The following PRR5L variants were observed in gnomAD, a reference collection of about 807,000 sequenced individuals.
PRR5L encodes the protein proline rich 5 like.
A neutral mutation model predicts 36.4 loss-of-function variants in PRR5L; 21 were observed. That is an observed-to-expected ratio of 0.58 (90% CI 0.41 to 0.83). PRR5L has a LOEUF of 0.83. Ranked by LOEUF, PRR5L falls within the 40% of genes least tolerant of loss-of-function variation. The pLI is 0.00. For synonymous variants in PRR5L, 188 were observed against 197.0 expected (o/e 0.95, Z 0.38); for missense variants, 381 against 473.3 (o/e 0.80, Z 1.81).
chr11:36,462,266 C>T (rs1859201814), intron 8 of PRR5L, 76 bp from the exon 9 acceptor site: 9 of 1,400,020 alleles, frequency 6.4e-6, no homozygotes, highest in Non-Finnish European at 7.6e-6. Context: ...TGTTCTTTTC[C>T]CCCAGTTGGA....
chr11:36,297,811 G>T (rs1322003056), intron 1 of PRR5L, among the ~76,000 whole-genome samples: 1 of 152,144 alleles, frequency 6.6e-6, no homozygotes, highest in Non-Finnish European at 1.5e-5. Flanking sequence ...TGGAAAGGGG[G>T]TCTGTGGTTG....
chr11:36,420,233 T>C (rs1858234436), intron 4 of PRR5L, among the ~76,000 whole-genome samples: 1 of 152,188 alleles, frequency 6.6e-6, no homozygotes, highest in Non-Finnish European at 1.5e-5. Flanking sequence ...AGTTTCCTCA[T>C]CTGCGAAATG....
intron 4 of PRR5L, among the ~76,000 whole-genome samples, chr11:36,420,226 T>C (rs1380013399): frequency 6.6e-6 from 1 of 152,218 alleles, no homozygotes; most frequent in African/African-American, 2.4e-5. Context: ...GTGCCTCAGT[T>C]TCCTCATCTG....
At chr11:36,326,300 G>A (rs1856661254) in intron 1 of PRR5L, among the ~76,000 whole-genome samples, 1 of 72,792 alleles carries the variant, frequency 1.4e-5, no homozygotes, top group African/African-American at 5.7e-5. Flanking sequence ...CTCCCCAATA[G>A]ATACACACAC....
chr11:36,351,458 TATATATTTATATATAC>T, intron 1 of PRR5L, among the ~76,000 whole-genome samples: 3 of 61,588 alleles, frequency 4.9e-5, no homozygotes, highest in African/African-American at 2.0e-4. Flanking sequence ...TTTATATATT[TATATATTTATATATAC>T]ATATATATTT....
At position 36,465,049 on chromosome 11, in the gene PRR5L, C is replaced by G. The variant is rs1859268377; in HGVS notation, c.*2313C>G. The G allele has an allele frequency of 6.6e-6, 1 of 152,142 alleles. No homozygotes were observed. Among genetic ancestry groups the G allele is most frequent in the African/African-American group, 2.4e-5 (1 of 41,426 alleles). 9.4% of individuals were successfully genotyped at this position (152,142 alleles called of 1,614,324 possible). A position where few individuals can be genotyped will look rare whatever the true frequency, so the allele number is the denominator to read the frequency against. On this transcript the variant is annotated 3_prime_UTR_variant, in exon 9 of 9. Coordinates refer to ENST00000530639, the MANE Select transcript of PRR5L (RefSeq NM_001160167.2). ...GCTGAGGTGTCCTTAACCACTTTTT[C>G]TCTCCTAGATTCATTTTCATTATTT... is the stretch of plus-strand genomic sequence containing the variant.
rs331439 is a variant in PRR5L at position 36,463,795 on chromosome 11, G to C, written c.*1059G>C. ...AAAGAGATCCATGGTGGGCAGGGCT[G>C]TTAGGTCACAGAGCTCTAGAAGCAG... On this transcript the variant is annotated 3_prime_UTR_variant, in exon 9 of 9. Coordinates refer to ENST00000530639, the MANE Select transcript of PRR5L (RefSeq NM_001160167.2). 0.78 allele frequency: 117,951 copies of C among 152,116 alleles called. 45,910 individuals carry two copies. The highest frequency in any genetic ancestry group is 0.85 in the South Asian group (4,070 of 4,812). 9.4% of individuals were successfully genotyped at this position (152,116 alleles called of 1,614,324 possible).
intron 1 of PRR5L, among the ~76,000 whole-genome samples, chr11:36,326,303 AC>A (rs1856661785): frequency 1.5e-4 from 1 of 6,802 alleles, no homozygotes; most frequent in Non-Finnish European, 4.4e-4. Flanking sequence ...CCCAATAGAT[AC>A]ACACACACAC....
chr11:36,389,189 T>G lies in PRR5L; in HGVS notation c.-125-11808T>G, dbSNP rs113687221. 7.2e-5 allele frequency among the ~76,000 whole-genome samples: 11 copies of G among 152,084 alleles called. No individual in the cohort carries two copies. In the South Asian group the frequency reaches 2.1e-3, roughly 29 times the overall value. On this transcript the variant is annotated intron_variant, in intron 1 of 8. Transcript: ENST00000530639. ...ATAAAATTCTTGGAAATACATTTGTTGGTCAGAGGGTATGGCCTTTGTCAC... is the reference window on the plus strand; with the variant it reads ...ATAAAATTCTTGGAAATACATTTGTGGGTCAGAGGGTATGGCCTTTGTCAC...
At chr11:36,408,147 G>A (rs1217717012) in intron 3 of PRR5L, among the ~76,000 whole-genome samples, 6 of 152,146 alleles carry the variant, frequency 3.9e-5, no homozygotes, top group African/African-American at 4.8e-5. Context: ...GGTGGTGTGC[G>A]CCTGTAATCC....
At chr11:36,415,766 A>G (rs1190066839) in intron 3 of PRR5L, among the ~76,000 whole-genome samples, 1 of 150,956 alleles carries the variant, frequency 6.6e-6, no homozygotes, top group East Asian at 1.9e-4. Flanking sequence ...TTAATTAATT[A>G]AAAAATAAAT....
At position 36,462,795 on chromosome 11, in the gene PRR5L, T is replaced by A. The variant is rs954026090; in HGVS notation, c.*59T>A. On this transcript the variant is annotated 3_prime_UTR_variant, in exon 9 of 9. Transcript: ENST00000530639. ...TGCAACCAGGATGAGGACCCCTCCA[T>A]CTCCGTGGATTACTGAGGGGGGCTC... is the stretch of plus-strand genomic sequence containing the variant. 1.4e-6 allele frequency: 2 copies of A among 1,449,072 alleles called. No individual in the cohort carries two copies. The highest frequency in any genetic ancestry group is 1.4e-5 in the South Asian group (1 of 71,366). 89.8% of individuals were successfully genotyped at this position (1,449,072 alleles called of 1,614,324 possible).
intron 1 of PRR5L, chr11:36,376,711 G>A (rs1857268889): frequency 1.0e-6 from 1 of 987,564 alleles, no homozygotes; most frequent in African/African-American, 1.7e-5. Context: ...GGAGGTGAGT[G>A]GTGGGTGGGG....
At chr11:36,384,377 T>G (rs1335896070) in intron 1 of PRR5L, among the ~76,000 whole-genome samples, 1 of 152,212 alleles carries the variant, frequency 6.6e-6, no homozygotes, top group East Asian at 1.9e-4. Context: ...GTATTACTTT[T>G]GGATATTTCC....
At chr11:36,399,789 A>G (rs527237213) in intron 1 of PRR5L, among the ~76,000 whole-genome samples, 4 of 152,352 alleles carry the variant, frequency 2.6e-5, no homozygotes, top group African/African-American at 9.6e-5. Context: ...AGAGTCACTA[A>G]AGAATAAGAG....
intron 1 of PRR5L, among the ~76,000 whole-genome samples, chr11:36,386,283 C>G (rs1488324474): frequency 6.6e-6 from 1 of 151,176 alleles, no homozygotes; most frequent in Non-Finnish European, 1.5e-5. Flanking sequence ...GAGACCTTGT[C>G]TTAGAAAAAA....
At chr11:36,395,793 C>A (rs191102750) in intron 1 of PRR5L, among the ~76,000 whole-genome samples, 2 of 152,250 alleles carry the variant, frequency 1.3e-5, no homozygotes, top group East Asian at 1.9e-4. Context: ...ATGATCACAG[C>A]TCACTGTAAC....
intron 1 of PRR5L, among the ~76,000 whole-genome samples, chr11:36,351,855 T>A (rs1031372824): frequency 4.8e-5 from 7 of 146,888 alleles, no homozygotes; most frequent in Admixed American, 2.2e-4. Flanking sequence ...TTCCACATTT[T>A]TGCAATTGCG....
chr11:36,335,264 C>T (rs1285038636), intron 1 of PRR5L, among the ~76,000 whole-genome samples: 1 of 152,120 alleles, frequency 6.6e-6, no homozygotes, highest in East Asian at 1.9e-4. Context: ...AGGGTTTCTC[C>T]ACATTGCCAA....
Sources: gnomAD v4.1 joint callset for allele counts (sites outside exome capture counted in the v4.1 genomes callset) on GRCh38, gnomAD v4.1.1 for gene constraint, MANE v1.5 for transcripts, NCBI Gene and HGNC (gene_info 2026-07-23, HGNC 2026-07-21) for gene names.